The following RB1CC1 variants were observed in gnomAD, a reference collection of about 807,000 sequenced individuals.
RB1CC1 encodes the protein RB1 inducible coiled-coil 1, also known as RB1-inducible coiled-coil protein 1.
RB1CC1 carries 46 observed loss-of-function variants against 177.5 expected under a neutral mutation model. That is an observed-to-expected ratio of 0.26 (90% confidence interval 0.20 to 0.33). The LOEUF is 0.33. RB1CC1 is among the 10% of genes least tolerant of loss of function. The pLI is 1.00. For missense variants in RB1CC1, 1,703 were observed against 1,816.3 expected (o/e 0.94, Z 1.13); for synonymous variants, 666 against 613.6 (o/e 1.09, Z -1.26).
At chr8:52,637,741 G>A (rs189996876) in intron 18 of RB1CC1, among the ~76,000 whole-genome samples, 103 of 152,016 alleles carry the variant, frequency 6.8e-4, no homozygotes, top group African/African-American at 2.2e-3. Flanking sequence ...GGGCAGGGTC[G>A]CAATCTGCAA....
chr8:52,658,368 G>A (rs936147746), intron 13 of RB1CC1, among the ~76,000 whole-genome samples: 1 of 151,984 alleles, frequency 6.6e-6, no homozygotes, highest in Admixed American at 6.6e-5. Flanking sequence ...CATGAGGTCA[G>A]GAGTTCGAGA....
At chr8:52,664,728 C>G (rs1851923980) in intron 8 of RB1CC1, among the ~76,000 whole-genome samples, 1 of 152,120 alleles carries the variant, frequency 6.6e-6, no homozygotes, top group Non-Finnish European at 1.5e-5. Flanking sequence ...GCTCAAATCG[C>G]AAATAATGCA....
intron 22 of RB1CC1, among the ~76,000 whole-genome samples, chr8:52,627,017 T>C (rs2150369115): frequency 6.6e-6 from 1 of 151,836 alleles, no homozygotes; most frequent in South Asian, 2.1e-4. Flanking sequence ...ATCATGCCAC[T>C]GCACTCCAGC....
chr8:52,710,658 T>C (rs1856982264), intron 1 of RB1CC1, among the ~76,000 whole-genome samples: 1 of 152,084 alleles, frequency 6.6e-6, no homozygotes, highest in Non-Finnish European at 1.5e-5. Flanking sequence ...TTAGTGAAAA[T>C]TTTCTAGTTG....
Position 52,657,400 on chromosome 8 carries a change from A to T in RB1CC1, c.2429T>A (p.Phe810Tyr). The change falls in exon 15 of 24, where the codon TTC (phenylalanine) becomes TAC (tyrosine). Residue 810 changes from phenylalanine to tyrosine, a missense_variant. Physicochemically the swap from Phe to Tyr is conservative, Grantham distance 22. This residue lies in a region of RB1CC1 where 1,169 missense variants were observed against 1,184.7 expected (regional missense o/e 0.99). Coordinates refer to ENST00000025008, the MANE Select transcript of RB1CC1 (RefSeq NM_014781.5). ...RCRVVAQDSHFSIQTIKEDLC... is the reference protein window; with the variant it reads ...RCRVVAQDSHYSIQTIKEDLC... ...GTCTTCCTTAATGGTTTGTATACTG[A>T]AGTGAGAGTCTTGGGCAACAACTCT... 12 of 1,613,986 alleles carry T rather than the reference A, an allele frequency of 7.4e-6. No individual in the cohort carries two copies. The highest frequency in any genetic ancestry group is 1.0e-5 in the Non-Finnish European group (12 of 1,179,986).
At chr8:52,644,757 T>G (rs895819794) in intron 16 of RB1CC1, among the ~76,000 whole-genome samples, 2 of 152,182 alleles carry the variant, frequency 1.3e-5, no homozygotes, top group South Asian at 4.1e-4. Context: ...GTTCTCTGAT[T>G]TACATTTTTT....
chr8:52,633,505 C>G (rs1264419760), intron 20 of RB1CC1, among the ~76,000 whole-genome samples: 1 of 152,120 alleles, frequency 6.6e-6, no homozygotes, highest in Admixed American at 6.6e-5. Flanking sequence ...ACAGTATAAT[C>G]ACTACAAAAT....
chr8:52,698,092 T>A (rs979130754), intron 1 of RB1CC1, among the ~76,000 whole-genome samples: 1 of 152,152 alleles, frequency 6.6e-6, no homozygotes, highest in Non-Finnish European at 1.5e-5. Flanking sequence ...ATACATTTTT[T>A]AAGACAAGAT....
chr8:52,695,387 C>A (rs1855300231), intron 1 of RB1CC1, among the ~76,000 whole-genome samples: 1 of 152,178 alleles, frequency 6.6e-6, no homozygotes, highest in South Asian at 2.1e-4. Context: ...TGGCCTTTGC[C>A]CTTCGCTACT....
At chr8:52,687,963 C>T (rs1854427360) in intron 1 of RB1CC1, among the ~76,000 whole-genome samples, 1 of 152,184 alleles carries the variant, frequency 6.6e-6, no homozygotes, top group Admixed American at 6.5e-5. Context: ...GGAGCCACAG[C>T]AGAGGAACAT....
chr8:52,644,633 C>CT (rs767615873), intron 16 of RB1CC1, among the ~76,000 whole-genome samples: 19 of 152,016 alleles, frequency 1.2e-4, no homozygotes, highest in South Asian at 1.0e-3. Context: ...AAGCCACACA[C>CT]TTTTTTTTCT....
chr8:52,671,962 C>CA (rs1192534620), intron 7 of RB1CC1, among the ~76,000 whole-genome samples: 1 of 152,082 alleles, frequency 6.6e-6, no homozygotes, highest in African/African-American at 2.4e-5. Context: ...CAACAATAAC[C>CA]AAATACAAGT....
intron 1 of RB1CC1, among the ~76,000 whole-genome samples, chr8:52,689,886 C>T (rs773981572): frequency 4.6e-5 from 7 of 151,860 alleles, no homozygotes; most frequent in Admixed American, 3.9e-4. Flanking sequence ...GAGCTGGGAT[C>T]GTACCACTGC....
At chr8:52,638,370 T>C (rs1849313395) in intron 18 of RB1CC1, among the ~76,000 whole-genome samples, 1 of 152,208 alleles carries the variant, frequency 6.6e-6, no homozygotes, top group Non-Finnish European at 1.5e-5. Flanking sequence ...AGACTGGATC[T>C]ATTAGTATTT....
intron 7 of RB1CC1, among the ~76,000 whole-genome samples, chr8:52,670,046 C>T (rs1052982182): frequency 1.3e-4 from 20 of 152,172 alleles, no homozygotes; most frequent in African/African-American, 4.8e-4. Context: ...CTCAAGCGAT[C>T]CTACGGCCTC....
At position 52,707,477 on chromosome 8, in the gene RB1CC1, C is replaced by G. The variant is rs79658776; in HGVS notation, c.-167+6598G>C. 3.9e-4 allele frequency among the ~76,000 whole-genome samples: 56 copies of G among 142,568 alleles called. 1 individual carries two copies. The East Asian group carries it at 1.0e-2, about 25-fold the overall frequency. The allele number at this position is 142,568 out of a possible 152,430, so 93.5% of individuals were successfully genotyped here. A position where few individuals can be genotyped will look rare whatever the true frequency, so the allele number is the denominator to read the frequency against. On this transcript the variant is annotated intron_variant, in intron 1 of 23. Transcript: ENST00000025008. ...ACAAACTTTCCAAAGTGACAATGGA[C>G]CAGGCTTCAGTTATTTCTGTCCAAG...
chr8:52,652,925 T>C (rs1036469804), intron 15 of RB1CC1, among the ~76,000 whole-genome samples: 3 of 151,754 alleles, frequency 2.0e-5, no homozygotes, highest in Middle Eastern at 3.4e-3. Flanking sequence ...GGCGTGGTGG[T>C]ACATGCCTAT....
At chr8:52,681,489 C>G (rs1000887855) in intron 5 of RB1CC1, among the ~76,000 whole-genome samples, 13 of 152,092 alleles carry the variant, frequency 8.5e-5, no homozygotes, top group African/African-American at 3.1e-4. Flanking sequence ...CTTTAGAGAC[C>G]ACATCCCGGA....
chr8:52,645,959 G>C, intron 15 of RB1CC1, 92 bp from the exon 16 acceptor site: 1 of 1,208,530 alleles, frequency 8.3e-7, no homozygotes, highest in Non-Finnish European at 1.2e-6. Flanking sequence ...TCTTCCTTAA[G>C]CTCAATAATG....
Sources: allele counts gnomAD v4.1 joint callset (sites outside exome capture counted in the v4.1 genomes callset), GRCh38; gene constraint gnomAD v4.1.1; regional missense constraint gnomAD v4.1.1; transcripts MANE v1.5; gene names NCBI Gene and HGNC (gene_info 2026-07-23, HGNC 2026-07-21).